Variants in TRAM2 observed in about 807,000 individuals in gnomAD.
TRAM2 encodes translocating chain-associated membrane protein 2.
In TRAM2, 12 loss-of-function variants were observed where a neutral mutation model predicts 51.0. The observed-to-expected ratio is 0.24, with a 90% CI of 0.15 to 0.38. The LOEUF is 0.38. Among genes scored for constraint, TRAM2 ranks in the 10% least tolerant of loss-of-function variants. The probability of loss-of-function intolerance (pLI) is 1.00; values close to 1 mark genes in which losing one functional copy is unlikely to be tolerated. For synonymous variants in TRAM2, 175 were observed against 179.4 expected (o/e 0.98, Z 0.20); for missense variants, 361 against 462.0 (o/e 0.78, Z 2.00).
At chr6:52,561,611 G>A (rs150706260) in intron 1 of TRAM2, among the ~76,000 whole-genome samples, 14,927 of 151,322 alleles carry the variant, frequency 0.099, 1,338 homozygotes, top group East Asian at 0.49. Context: ...TCAGCCTCCC[G>A]AGTAGCTGGG....
chr6:52,541,110 T>C (rs1263771543), intron 1 of TRAM2, among the ~76,000 whole-genome samples: 2 of 152,198 alleles, frequency 1.3e-5, no homozygotes, highest in Non-Finnish European at 2.9e-5. Context: ...GCTGGTGAAA[T>C]AGCTGCTTCC....
At chr6:52,541,801 C>CTTTTTTTTTTTTTTTTTT (rs113470524) in intron 1 of TRAM2, among the ~76,000 whole-genome samples, 1 of 75,190 alleles carries the variant, frequency 1.3e-5, no homozygotes, top group African/African-American at 4.3e-5. Flanking sequence ...TCAGTTTATT[C>CTTTTTTTTTTTTTTTTTT]TGTTTTTTTT....
At chr6:52,522,337 C>G (rs1467675098) in intron 2 of TRAM2, among the ~76,000 whole-genome samples, 1 of 152,266 alleles carries the variant, frequency 6.6e-6, no homozygotes, top group East Asian at 1.9e-4. Flanking sequence ...ACTGTGGCTG[C>G]AGGAGAGGCG....
At chr6:52,520,471 TAG>T (rs1298024535) in intron 2 of TRAM2, among the ~76,000 whole-genome samples, 6 of 152,212 alleles carry the variant, frequency 3.9e-5, no homozygotes, top group East Asian at 1.9e-4. Flanking sequence ...GGGCGTCGGA[TAG>T]AGTCAGTGAC....
At chr6:52,516,825 G>A in intron 2 of TRAM2, 88 bp from the exon 3 acceptor site, 1 of 1,025,800 alleles carries the variant, frequency 9.7e-7, no homozygotes, top group African/African-American at 1.6e-5. Flanking sequence ...GAGGCGAAAT[G>A]CGCCATCAAA....
At chr6:52,576,646 G>C in intron 1 of TRAM2, 150 bp downstream of exon 1, 1 of 1,068,394 alleles carries the variant, frequency 9.4e-7, no homozygotes, top group Non-Finnish European at 1.3e-6. Context: ...CAGGCCGGAG[G>C]GGTACAGTGC....
At chr6:52,528,587 A>G (rs1474146767) in intron 2 of TRAM2, among the ~76,000 whole-genome samples, 1 of 152,200 alleles carries the variant, frequency 6.6e-6, no homozygotes, top group East Asian at 1.9e-4. Flanking sequence ...TGACTGCAGC[A>G]AGTCTCATCC....
chr6:52,514,580 C>T (rs566883936), intron 4 of TRAM2, among the ~76,000 whole-genome samples: 2 of 152,350 alleles, frequency 1.3e-5, no homozygotes, highest in East Asian at 3.9e-4. Context: ...AAAGACAGAG[C>T]TGTTGAGCAT....
chr6:52,572,051 G>T (rs371602934), intron 1 of TRAM2, among the ~76,000 whole-genome samples: 28 of 152,308 alleles, frequency 1.8e-4, no homozygotes, highest in African/African-American at 6.3e-4. Context: ...CATCCCATAG[G>T]ATAGGATTAC....
chr6:52,530,290 C>T (rs1562481305), intron 2 of TRAM2, among the ~76,000 whole-genome samples: 1 of 152,172 alleles, frequency 6.6e-6, no homozygotes, highest in African/African-American at 2.4e-5. Context: ...AGGGGCTCCA[C>T]CAGGATGCAT....
At chr6:52,513,943 G>A (rs989549777) in intron 4 of TRAM2, among the ~76,000 whole-genome samples, 4 of 152,202 alleles carry the variant, frequency 2.6e-5, no homozygotes. Context: ...TATACAGATC[G>A]AGGTTTCTCA....
At chr6:52,546,768 C>A (rs1462473573) in intron 1 of TRAM2, among the ~76,000 whole-genome samples, 2 of 151,968 alleles carry the variant, frequency 1.3e-5, no homozygotes, top group Non-Finnish European at 2.9e-5. Flanking sequence ...CAGAAGGAGC[C>A]CAGCAGCCCA....
intron 4 of TRAM2, among the ~76,000 whole-genome samples, chr6:52,512,407 G>A (rs1766467116): frequency 6.6e-6 from 1 of 152,118 alleles, no homozygotes; most frequent in Admixed American, 6.6e-5. Context: ...AGGAGAGCAG[G>A]GGGAGCCAGA....
chr6:52,525,843 A>T (rs1457948245), intron 2 of TRAM2, among the ~76,000 whole-genome samples: 1 of 152,248 alleles, frequency 6.6e-6, no homozygotes, highest in East Asian at 1.9e-4. Flanking sequence ...ATAAATTAAA[A>T]TGAGGTCATT....
chr6:52,572,748 T>C (rs1335457035), intron 1 of TRAM2, among the ~76,000 whole-genome samples: 1 of 152,134 alleles, frequency 6.6e-6, no homozygotes, highest in Non-Finnish European at 1.5e-5. Flanking sequence ...TGCCTACAGG[T>C]ATGTCTGGGA....
At chr6:52,547,671 G>T (rs1352320631) in intron 1 of TRAM2, among the ~76,000 whole-genome samples, 2 of 152,198 alleles carry the variant, frequency 1.3e-5, no homozygotes, top group African/African-American at 2.4e-5. Flanking sequence ...GACAGGCAGG[G>T]CCACCTAGAT....
chr6:52,522,436 C>A (rs1485380133), intron 2 of TRAM2, among the ~76,000 whole-genome samples: 2 of 152,194 alleles, frequency 1.3e-5, no homozygotes, highest in African/African-American at 4.8e-5. Context: ...GTGACTAATT[C>A]GAAATTTTTA....
chr6:52,535,182 G>T (rs141180983), intron 2 of TRAM2, among the ~76,000 whole-genome samples: 1 of 152,342 alleles, frequency 6.6e-6, no homozygotes, highest in Non-Finnish European at 1.5e-5. Context: ...CAATGGTCAT[G>T]ATGCCTCACA....
At chr6:52,504,234 G>A (rs969864304) in intron 10 of TRAM2, among the ~76,000 whole-genome samples, 4 of 152,222 alleles carry the variant, frequency 2.6e-5, no homozygotes, top group Admixed American at 6.5e-5. Flanking sequence ...GACAGAGGCC[G>A]CCGTCCGGCA....
Sources: gnomAD v4.1 joint callset for allele counts (sites outside exome capture counted in the v4.1 genomes callset) on GRCh38, gnomAD v4.1.1 for gene constraint, MANE v1.5 for transcripts, NCBI Gene and HGNC (gene_info 2026-07-23, HGNC 2026-07-21) for gene names.